Variants in MPP7 observed in about 807,000 individuals in gnomAD.
MPP7 encodes the protein MAGUK p55 subfamily member 7.
In MPP7, 60 loss-of-function variants were observed where a neutral mutation model predicts 76.5. The observed-to-expected ratio is 0.78, with a 90% CI of 0.64 to 0.97. The LOEUF (loss-of-function observed/expected upper bound fraction) is 0.97. Among genes scored for constraint, MPP7 ranks in the 50% least tolerant of loss-of-function variants. The pLI, the probability that MPP7 is intolerant of heterozygous loss-of-function variation, is 0.00. For missense variants in MPP7, 641 were observed against 694.0 expected (o/e 0.92, Z 0.86); for synonymous variants, 237 against 244.5 (o/e 0.97, Z 0.29).
At chr10:28,287,125 C>T (rs749602973) in intron 1 of MPP7, among the ~76,000 whole-genome samples, 3 of 152,018 alleles carry the variant, frequency 2.0e-5, no homozygotes, top group Admixed American at 1.3e-4. Flanking sequence ...CTTTCTCAAA[C>T]GCAAAATTAG....
At chr10:28,317,032 T>C (rs1398090483) in intron 2 of MPP7, among the ~76,000 whole-genome samples, 1 of 152,104 alleles carries the variant, frequency 6.6e-6, no homozygotes, top group East Asian at 1.9e-4. Flanking sequence ...GGGGAAGAAC[T>C]GTGAGCCAGA....
intron 1 of MPP7, among the ~76,000 whole-genome samples, chr10:28,288,086 C>G (rs142358678): frequency 2.0e-5 from 3 of 152,272 alleles, no homozygotes; most frequent in Non-Finnish European, 4.4e-5. Context: ...AATGCAGAAG[C>G]AGTTATGAGA....
Position 28,238,557 on chromosome 10 carries a change from G to C in MPP7, c.37+11C>G. 6.2e-7 allele frequency: 1 copy of C among 1,613,786 alleles called. No individual in the cohort carries two copies. Among genetic ancestry groups the C allele is most frequent in the Non-Finnish European group, 8.5e-7 (1 of 1,179,760 alleles). On this transcript the variant is annotated intron_variant, in intron 2 of 16. Transcript: ENST00000683449. ...GATGGAATGAGAACTGCCCCTCTTG[G>C]GGTCACATACCAGTGTCACTCCCAG...
At chr10:28,211,499 T>C (rs945798296) in intron 2 of MPP7, among the ~76,000 whole-genome samples, 1 of 152,060 alleles carries the variant, frequency 6.6e-6, no homozygotes, top group Non-Finnish European at 1.5e-5. Flanking sequence ...ACTAAAGTCA[T>C]GTTTTCTATC....
chr10:28,159,638 G>A lies in MPP7; in HGVS notation c.157-9579C>T, dbSNP rs1041952212. 6.6e-5 allele frequency among the ~76,000 whole-genome samples: 10 copies of A among 152,224 alleles called. No individual in the cohort carries two copies. The South Asian group carries it at 1.0e-3, about 16-fold the overall frequency. On this transcript the variant is annotated intron_variant, in intron 3 of 16. Transcript: ENST00000683449. Reference sequence around the variant, plus strand: ...ACAGACTTGCAGTTGGAAGAGAGAGGAATATGTTCAGAGCCTCTTTAGCTA... The same window carrying A: ...ACAGACTTGCAGTTGGAAGAGAGAGAAATATGTTCAGAGCCTCTTTAGCTA...
intron 11 of MPP7, among the ~76,000 whole-genome samples, chr10:28,097,737 C>T (rs1017121811): frequency 1.3e-5 from 2 of 152,116 alleles, no homozygotes; most frequent in Non-Finnish European, 2.9e-5. Flanking sequence ...TGATAGAAGA[C>T]GTTTTCCAAA....
chr10:28,186,939 A>G (rs1937807), intron 3 of MPP7, among the ~76,000 whole-genome samples: 125,517 of 152,174 alleles, frequency 0.82, 52,402 homozygotes, highest in African/African-American at 0.89. Context: ...GGAATTGCCC[A>G]AAAAGGGAAA....
chr10:28,222,933 A>C (rs192082023), intron 2 of MPP7, among the ~76,000 whole-genome samples: 232 of 150,256 alleles, frequency 1.5e-3, no homozygotes, highest in African/African-American at 5.3e-3. Flanking sequence ...TAGGCTATAA[A>C]AATAGCTTGG....
chr10:28,312,748 A>T (rs1841296724), intron 2 of MPP7, among the ~76,000 whole-genome samples: 1 of 152,196 alleles, frequency 6.6e-6, no homozygotes, highest in East Asian at 1.9e-4. Context: ...TGTACTTACC[A>T]TGTTGATCTC....
intron 12 of MPP7, among the ~76,000 whole-genome samples, chr10:28,079,413 G>T (rs577412959): frequency 6.6e-6 from 1 of 151,692 alleles, no homozygotes; most frequent in African/African-American, 2.4e-5. Context: ...AGTTACTTGG[G>T]AGGCTGAGAC....
intron 2 of MPP7, among the ~76,000 whole-genome samples, chr10:28,224,024 C>T (rs58397019): frequency 0.021 from 3,115 of 151,466 alleles, 117 homozygotes; most frequent in African/African-American, 0.069. Flanking sequence ...GGTGAAACCC[C>T]ATCTCTACTA....
At chr10:28,190,352 C>T (rs1456937645) in intron 3 of MPP7, among the ~76,000 whole-genome samples, 1 of 152,106 alleles carries the variant, frequency 6.6e-6, no homozygotes, top group Non-Finnish European at 1.5e-5. Flanking sequence ...TTATGGAATA[C>T]TTTATCCAAT....
chr10:28,249,027 A>C (rs1163097517), intron 1 of MPP7, among the ~76,000 whole-genome samples: 1 of 152,190 alleles, frequency 6.6e-6, no homozygotes, highest in East Asian at 1.9e-4. Context: ...GGTGTCTTAG[A>C]ATAGTGCCTG....
rs117456534 is a variant in MPP7 at position 28,081,204 on chromosome 10, A to T, written c.1123+8467T>A. Among the ~76,000 whole-genome samples, 1,450 of 152,336 alleles carry T rather than the reference A, an allele frequency of 9.5e-3. 9 individuals carry two copies. Among genetic ancestry groups the T allele is most frequent in the Non-Finnish European group, 0.014 (976 of 68,030 alleles). Reference sequence around the variant, plus strand: ...GACAGAACAAGTCGCAAATTGTCTGAATATCCACAAGATGAATTTTTGCTC... The same window carrying T: ...GACAGAACAAGTCGCAAATTGTCTGTATATCCACAAGATGAATTTTTGCTC... On this transcript the variant is annotated intron_variant, in intron 12 of 16. Coordinates refer to ENST00000683449, the MANE Select transcript of MPP7 (RefSeq NM_001318170.2).
Position 28,312,161 on chromosome 10 carries a change from C to G in MPP7, c.-132+17768G>C, listed in dbSNP as rs947203369. 2.0e-5 allele frequency among the ~76,000 whole-genome samples: 3 copies of G among 152,204 alleles called. No homozygotes were observed. The East Asian group carries it at 5.8e-4, about 29-fold the overall frequency. ...GAAAGGGTACCTGAGCTGATTGTCG[C>G]TGCTGGCTGGGATGGCCAGCCTTTA... On this transcript the variant is annotated intron_variant, in intron 2 of 11. Coordinates refer to the MPP7 transcript ENST00000441595.
intron 12 of MPP7, 58 bp from the exon 13 acceptor site, chr10:28,069,910 G>T: frequency 7.8e-7 from 1 of 1,287,836 alleles, no homozygotes; most frequent in South Asian, 1.2e-5. Flanking sequence ...AAACATTTCT[G>T]TAACTGACAT....
chr10:28,077,813 G>C (rs1419692996), intron 12 of MPP7, among the ~76,000 whole-genome samples: 1 of 152,210 alleles, frequency 6.6e-6, no homozygotes, highest in Non-Finnish European at 1.5e-5. Flanking sequence ...AAGCGAAGAA[G>C]AGAACAGAAT....
chr10:28,124,241 C>T, intron 7 of MPP7, 125 bp from the exon 8 acceptor site: 1 of 673,832 alleles, frequency 1.5e-6, no homozygotes, highest in Non-Finnish European at 2.6e-6. Flanking sequence ...GAAAGGAGAC[C>T]TTCACACATC....
chr10:28,206,789 G>C (rs1485190250), intron 2 of MPP7, among the ~76,000 whole-genome samples: 3 of 152,080 alleles, frequency 2.0e-5, no homozygotes, highest in African/African-American at 7.2e-5. Context: ...TCCTGTAACT[G>C]TATAGTTTTT....
Sources: gnomAD v4.1 joint callset for allele counts (sites outside exome capture counted in the v4.1 genomes callset) on GRCh38, gnomAD v4.1.1 for gene constraint, MANE v1.5 for transcripts, NCBI Gene and HGNC (gene_info 2026-07-23, HGNC 2026-07-21) for gene names.